Variants in ITGA6 observed in about 807,000 individuals in gnomAD.
The protein encoded by ITGA6 is integrin alpha-6.
ITGA6 carries 63 observed loss-of-function variants against 133.6 expected under a neutral mutation model. That is an observed-to-expected ratio of 0.47 (90% CI 0.38 to 0.58). The LOEUF (loss-of-function observed/expected upper bound fraction) is 0.58. Among genes scored for constraint, ITGA6 ranks in the 20% least tolerant of loss-of-function variants. The pLI, the probability that ITGA6 is intolerant of heterozygous loss-of-function variation, is 0.00. For synonymous variants in ITGA6, 434 were observed against 482.0 expected (o/e 0.90, Z 1.30); for missense variants, 1,068 against 1,309.4 (o/e 0.82, Z 2.85).
chr2:172,448,332 T>G (rs911112904), intron 1 of ITGA6, among the ~76,000 whole-genome samples: 2 of 152,074 alleles, frequency 1.3e-5, no homozygotes, highest in African/African-American at 4.8e-5. Flanking sequence ...AGGAGACTCT[T>G]GGAGTAGTGG....
intron 1 of ITGA6, among the ~76,000 whole-genome samples, chr2:172,457,220 G>A (rs1382489051): frequency 1.3e-5 from 2 of 150,894 alleles, no homozygotes; most frequent in African/African-American, 4.9e-5. Flanking sequence ...ATTGAACCTT[G>A]GGAGGTGGAG....
intron 5 of ITGA6, chr2:172,472,849 AG>A (rs758412946): frequency 6.2e-7 from 1 of 1,612,174 alleles, no homozygotes; most frequent in Admixed American, 1.7e-5. Context: ...CCCCGGGAGC[AG>A]CCTGACACAT....
In ITGA6 at chr2:172,476,521, A is replaced by G; in HGVS notation, c.1388+8A>G. On this transcript the variant is annotated splice_region_variant and intron_variant, in intron 9 of 25. Coordinates refer to ENST00000684293, the MANE Select transcript of ITGA6 (RefSeq NM_000210.4). Reference sequence around the variant, plus strand: ...TTCAGTAACTATTTTCAGGTCTGTTATCTATGATTTTAGTGTTAAGCATGT... The same window carrying G: ...TTCAGTAACTATTTTCAGGTCTGTTGTCTATGATTTTAGTGTTAAGCATGT... 2.1e-6 allele frequency: 3 copies of G among 1,459,938 alleles called. No homozygotes were observed. The highest frequency in any genetic ancestry group is 2.9e-6 in the Non-Finnish European group (3 of 1,039,274). The allele number at this position is 1,459,938 out of a possible 1,614,324, so 90.4% of individuals were successfully genotyped here. A position where few individuals can be genotyped will look rare whatever the true frequency, so the allele number is the denominator to read the frequency against.
At chr2:172,464,945 A>G (rs769952567) in intron 1 of ITGA6, among the ~76,000 whole-genome samples, 164 of 42,482 alleles carry the variant, frequency 3.9e-3, no homozygotes, top group African/African-American at 0.011. Context: ...AACTGGAGGG[A>G]AAAAAAAAAA....
chr2:172,436,095 A>G (rs527488468), intron 1 of ITGA6, among the ~76,000 whole-genome samples: 1 of 152,168 alleles, frequency 6.6e-6, no homozygotes, highest in Non-Finnish European at 1.5e-5. Context: ...ACTTTGAAAA[A>G]GTTGAGAGGT....
chr2:172,488,689 G>A lies in ITGA6; in HGVS notation c.2505+461G>A, dbSNP rs368355639. ...TAAACATAGGGTACAGAGTCTGTTC[G>A]TAACTCACACATGGGTTTAGGTCTG... On this transcript the variant is annotated intron_variant, in intron 19 of 25. Coordinates refer to ENST00000684293, the MANE Select transcript of ITGA6 (RefSeq NM_000210.4). Among the ~76,000 whole-genome samples the A allele has an allele frequency of 1.1e-4, 16 of 152,272 alleles. No individual in the cohort carries two copies. In the East Asian group the frequency reaches 2.3e-3, roughly 22 times the overall value.
rs114819061 is a variant in ITGA6, at chr2:172,441,687, A to G, written c.182+13717A>G. Among the ~76,000 whole-genome samples the G allele has an allele frequency of 9.9e-3, 1,499 of 151,234 alleles. 23 individuals carry two copies. The highest frequency in any genetic ancestry group is 0.034 in the African/African-American group (1,400 of 41,194). On this transcript the variant is annotated intron_variant, in intron 1 of 25. Transcript: ENST00000684293. ...ACCCAATGTTTTTGTGAATTTCTTT[A>G]CAATTGAAACTATTTTCCACTTGTA...
In ITGA6 at chr2:172,506,177, A is replaced by C. The variant is rs1281192025; in HGVS notation, c.*2109A>C. Reference sequence around the variant, plus strand: ...GATATTTGTATAAAAGTGTGAAATAAATTTTTTATAAAAGTGTTCATTGTT... The same window carrying C: ...GATATTTGTATAAAAGTGTGAAATACATTTTTTATAAAAGTGTTCATTGTT... On this transcript the variant is annotated 3_prime_UTR_variant, in exon 26 of 26. Transcript: ENST00000684293. 1 of 152,632 alleles carries C rather than the reference A, an allele frequency of 6.6e-6. No individual in the cohort carries two copies. Among genetic ancestry groups the C allele is most frequent in the Non-Finnish European group, 1.5e-5 (1 of 68,038 alleles). The allele number at this position is 152,632 out of a possible 1,614,324, so 9.5% of individuals were successfully genotyped here. A position where few individuals can be genotyped will look rare whatever the true frequency, so the allele number is the denominator to read the frequency against.
At chr2:172,488,805 G>C (rs1345010300) in intron 19 of ITGA6, among the ~76,000 whole-genome samples, 1 of 152,200 alleles carries the variant, frequency 6.6e-6, no homozygotes, top group Admixed American at 6.5e-5. Flanking sequence ...CCGGCAGAAT[G>C]AAGAGGCTGA....
chr2:172,452,426 G>C (rs1685045228), intron 1 of ITGA6, among the ~76,000 whole-genome samples: 1 of 152,190 alleles, frequency 6.6e-6, no homozygotes, highest in Non-Finnish European at 1.5e-5. Context: ...CATTAATGGA[G>C]GTGATGCTTC....
intron 5 of ITGA6, 65 bp downstream of exon 5, chr2:172,471,170 G>A (rs772408062): frequency 1.1e-5 from 17 of 1,592,014 alleles, no homozygotes; most frequent in East Asian, 4.5e-5. Flanking sequence ...AAACTCCCTC[G>A]CAGGGCCTAT....
At position 172,504,361 on chromosome 2, in the gene ITGA6, T is replaced by G. The variant is rs1574425732; in HGVS notation, c.*293T>G. ...CAATCCCTGAGGACTGATTTCAGAG[T>G]GACTACACACAGTACGAACCTACAG... On this transcript the variant is annotated 3_prime_UTR_variant, in exon 26 of 26. Coordinates refer to ENST00000684293, the MANE Select transcript of ITGA6 (RefSeq NM_000210.4). 1.2e-6 allele frequency: 1 copy of G among 822,842 alleles called. No homozygotes were observed. Among genetic ancestry groups the G allele is most frequent in the East Asian group, 2.7e-5 (1 of 37,574 alleles). The allele number at this position is 822,842 out of a possible 1,614,324, so 51.0% of individuals were successfully genotyped here.
rs561977002 is a variant in ITGA6, at chr2:172,439,659, A to G, written c.182+11689A>G. On this transcript the variant is annotated intron_variant, in intron 1 of 25. Coordinates refer to ENST00000684293, the MANE Select transcript of ITGA6 (RefSeq NM_000210.4). ...GTTGCTTTGCACTGTGCCTCTGTAC[A>G]TGTTCACCTGCCTCTGTCATTCAGT... Among the ~76,000 whole-genome samples, 207 of 148,768 alleles carry G rather than the reference A, an allele frequency of 1.4e-3. 2 individuals carry two copies. Among genetic ancestry groups the G allele is most frequent in the African/African-American group, 4.6e-3 (191 of 41,394 alleles).
At position 172,470,977 on chromosome 2, in the gene ITGA6, T is replaced by C; in HGVS notation, c.647T>C (p.Ile216Thr). Residue 216 changes from isoleucine (I) to threonine (T), a missense_variant, in exon 5 of 26, where the codon ATT becomes ACT. Physicochemically the swap from Ile to Thr is moderately conservative, Grantham distance 89. Coordinates refer to ENST00000684293, the MANE Select transcript of ITGA6 (RefSeq NM_000210.4). ...TTTTACCATTTCATTCCTTTAGGGATTGTTCGTGTAGAGCAAAAGAATAAC... is the reference window on the plus strand; with the variant it reads ...TTTTACCATTTCATTCCTTTAGGGACTGTTCGTGTAGAGCAAAAGAATAAC... ...GAPGTYNWKG[I>T]VRVEQKNNTF... is the part of the protein sequence containing the mutation. 1 of 1,614,036 alleles carries C rather than the reference T, an allele frequency of 6.2e-7. No individual in the cohort carries two copies. The highest frequency in any genetic ancestry group is 1.1e-5 in the South Asian group (1 of 91,086).
intron 1 of ITGA6, among the ~76,000 whole-genome samples, chr2:172,445,382 G>C (rs1684720639): frequency 1.4e-5 from 2 of 147,076 alleles, no homozygotes; most frequent in South Asian, 4.3e-4. Flanking sequence ...GGGCGCGGTG[G>C]CTCACGCCTG....
chr2:172,481,487 T>G (rs936182176), intron 11 of ITGA6, among the ~76,000 whole-genome samples: 9 of 152,236 alleles, frequency 5.9e-5, no homozygotes, highest in African/African-American at 2.2e-4. Flanking sequence ...TGTGATAAAG[T>G]TCAGTGAATT....
Position 172,477,714 on chromosome 2 carries a change from T to C in ITGA6, c.1388+1201T>C, listed in dbSNP as rs16860517. On this transcript the variant is annotated intron_variant, in intron 9 of 25. Transcript: ENST00000684293. Reference sequence around the variant, plus strand: ...TCTTTACTTGCAGATAGTGTGAAAGTAGAATTCAACAACCCTTTGATAAGA... The same window carrying C: ...TCTTTACTTGCAGATAGTGTGAAAGCAGAATTCAACAACCCTTTGATAAGA... Among the ~76,000 whole-genome samples, 781 of 152,334 alleles carry C rather than the reference T, an allele frequency of 5.1e-3. 6 individuals are homozygous for C. Among genetic ancestry groups the C allele is most frequent in the African/African-American group, 0.018 (753 of 41,578 alleles).
chr2:172,444,040 C>T (rs1365801001), intron 1 of ITGA6, among the ~76,000 whole-genome samples: 1 of 152,208 alleles, frequency 6.6e-6, no homozygotes, highest in Non-Finnish European at 1.5e-5. Context: ...CCCCAAAGTT[C>T]TGGGATTACA....
intron 1 of ITGA6, among the ~76,000 whole-genome samples, chr2:172,444,612 A>C (rs9679742): frequency 3.4e-5 from 4 of 118,082 alleles, no homozygotes; most frequent in Admixed American, 1.1e-4. Context: ...GCCAAAAAAA[A>C]CCAAAAACCC....
Sources: allele counts gnomAD v4.1 joint callset (sites outside exome capture counted in the v4.1 genomes callset), GRCh38; gene constraint gnomAD v4.1.1; transcripts MANE v1.5; gene names NCBI Gene and HGNC (gene_info 2026-07-23, HGNC 2026-07-21).